PHACTR4: variants seen among roughly 807,000 people sequenced by gnomAD.
PHACTR4 encodes the protein protein phosphatase 1, regulatory subunit 124.
A neutral mutation model predicts 72.7 loss-of-function variants in PHACTR4; 51 were observed. The ratio of observed to expected loss-of-function variants is 0.70; its 90% CI spans 0.56 to 0.89. The LOEUF (loss-of-function observed/expected upper bound fraction) is 0.89. Among genes scored for constraint, PHACTR4 ranks in the 40% least tolerant of loss-of-function variants. The probability of loss-of-function intolerance (pLI) is 0.00; values close to 1 mark genes in which losing one functional copy is unlikely to be tolerated. For synonymous variants in PHACTR4, 255 were observed against 302.5 expected (o/e 0.84, Z 1.63); for missense variants, 731 against 861.8 (o/e 0.85, Z 1.90).
rs556000436 is a variant in PHACTR4, at chr1:28,465,568, T to C, written c.272-117T>C. On this transcript the variant is annotated intron_variant, in intron 4 of 13. Transcript: ENST00000373839. ...GAGTTCAAGACCAGCCTGGGCAACATAGTGAGACCCTGTCTCAATTTAAAA... is the reference window on the plus strand; with the variant it reads ...GAGTTCAAGACCAGCCTGGGCAACACAGTGAGACCCTGTCTCAATTTAAAA... 4.7e-6 allele frequency: 5 copies of C among 1,060,624 alleles called. No homozygotes were observed. The Admixed American group carries it at 1.2e-4, about 25-fold the overall frequency. The allele number at this position is 1,060,624 out of a possible 1,614,324, so 65.7% of individuals were successfully genotyped here.
intron 2 of PHACTR4, among the ~76,000 whole-genome samples, chr1:28,442,884 G>T (rs1443001319): frequency 6.6e-6 from 1 of 152,048 alleles, no homozygotes; most frequent in Non-Finnish European, 1.5e-5. Flanking sequence ...GATGTGATTA[G>T]ATTAGGGTAA....
intron 1 of PHACTR4, among the ~76,000 whole-genome samples, chr1:28,392,589 G>C (rs1054196530): frequency 6.6e-6 from 1 of 151,616 alleles, no homozygotes; most frequent in Admixed American, 6.6e-5. Context: ...TTTTTGTAGA[G>C]ATGAGGTTTT....
At chr1:28,463,220 T>G (rs1347804905) in intron 4 of PHACTR4, among the ~76,000 whole-genome samples, 1 of 151,976 alleles carries the variant, frequency 6.6e-6, no homozygotes, top group African/African-American at 2.4e-5. Flanking sequence ...AAAAGGTGGC[T>G]TTTGGCTTGA....
At chr1:28,383,459 A>G (rs6679034) in intron 1 of PHACTR4, among the ~76,000 whole-genome samples, 58,646 of 151,924 alleles carry the variant, frequency 0.39, 13,010 homozygotes, top group African/African-American at 0.6. Context: ...CCTTTTAACA[A>G]TATTGATTCT....
intron 1 of PHACTR4, among the ~76,000 whole-genome samples, chr1:28,386,274 A>G (rs1427912843): frequency 2.0e-5 from 3 of 151,842 alleles, no homozygotes; most frequent in African/African-American, 7.3e-5. Context: ...TTGGACTTTT[A>G]GTAGAGACAG....
intron 2 of PHACTR4, among the ~76,000 whole-genome samples, chr1:28,429,169 C>T (rs1656067554): frequency 6.6e-6 from 1 of 152,146 alleles, no homozygotes; most frequent in African/African-American, 2.4e-5. Flanking sequence ...GTGGCCCTGC[C>T]TTAACTTTAA....
At chr1:28,480,401 T>C (rs778598629) in intron 8 of PHACTR4, 50 bp from the exon 9 acceptor site, 1 of 1,604,206 alleles carries the variant, frequency 6.2e-7, no homozygotes, top group Non-Finnish European at 8.5e-7. Context: ...AGGTTGAACC[T>C]TTGGCTTTAA....
At chr1:28,393,980 T>C (rs1047251096) in intron 1 of PHACTR4, among the ~76,000 whole-genome samples, 9 of 152,126 alleles carry the variant, frequency 5.9e-5, no homozygotes, top group Non-Finnish European at 1.3e-4. Context: ...CCCAAAGTGC[T>C]GTGATTACAG....
At chr1:28,414,303 T>C (rs988356862) in intron 2 of PHACTR4, among the ~76,000 whole-genome samples, 7 of 152,006 alleles carry the variant, frequency 4.6e-5, no homozygotes, top group African/African-American at 1.7e-4. Context: ...TGACCTCAGG[T>C]GATCCGCCTG....
intron 2 of PHACTR4, among the ~76,000 whole-genome samples, chr1:28,411,766 G>A (rs1237442660): frequency 6.6e-6 from 1 of 151,920 alleles, no homozygotes; most frequent in African/African-American, 2.4e-5. Flanking sequence ...ACGTATTCAT[G>A]TAACCAAATA....
At position 28,457,919 on chromosome 1, in the gene PHACTR4, T is replaced by G. The variant is rs562259387; in HGVS notation, c.17-1166T>G. 2.5e-4 allele frequency: 116 copies of G among 471,586 alleles called. 1 individual carries two copies. In the South Asian group the frequency reaches 7.2e-3, roughly 29 times the overall value. The allele number at this position is 471,586 out of a possible 1,614,324, so 29.2% of individuals were successfully genotyped here. A position where few individuals can be genotyped will look rare whatever the true frequency, so the allele number is the denominator to read the frequency against. On this transcript the variant is annotated intron_variant, in intron 2 of 13. Coordinates refer to ENST00000373839, the MANE Select transcript of PHACTR4 (RefSeq NM_001048183.3). The stretch of plus-strand genomic sequence containing the variant: ...TTTTTTTTGGTTGCCTTCCTGCTGG[T>G]TTTTTTTTTTTTCCTTTCTTTAAAT...
At chr1:28,384,175 A>G (rs573953748) in intron 1 of PHACTR4, among the ~76,000 whole-genome samples, 2 of 152,290 alleles carry the variant, frequency 1.3e-5, no homozygotes, top group African/African-American at 4.8e-5. Context: ...TGCTGGCCTC[A>G]TAGAATGAGT....
Position 28,486,010 on chromosome 1 carries a change from C to T in PHACTR4, c.1761-3160C>T, listed in dbSNP as rs142876182. Among the ~76,000 whole-genome samples the T allele has an allele frequency of 4.1e-3, 624 of 151,948 alleles. 5 individuals carry two copies. Among genetic ancestry groups the T allele is most frequent in the African/African-American group, 0.014 (596 of 41,450 alleles). On this transcript the variant is annotated intron_variant, in intron 9 of 13. Coordinates refer to ENST00000373839, the MANE Select transcript of PHACTR4 (RefSeq NM_001048183.3). Reference sequence around the variant, plus strand: ...TAAGATTGAAATTTAAAAAAACACACACAATAAGAGACCACCACGAGTACA... The same window carrying T: ...TAAGATTGAAATTTAAAAAAACACATACAATAAGAGACCACCACGAGTACA...
chr1:28,438,504 T>A, intron 2 of PHACTR4: 2 of 1,521,174 alleles, frequency 1.3e-6, no homozygotes, highest in Non-Finnish European at 1.8e-6. Context: ...CTTGAGTATT[T>A]ATGTGAAGTT....
intron 2 of PHACTR4, chr1:28,457,796 G>T (rs144971446): frequency 1.0e-5 from 10 of 984,460 alleles, no homozygotes; most frequent in African/African-American, 1.7e-5. Context: ...TTTCAGGATG[G>T]TTTTTCCACA....
At chr1:28,394,661 A>G (rs1264745165) in intron 1 of PHACTR4, among the ~76,000 whole-genome samples, 2 of 146,798 alleles carry the variant, frequency 1.4e-5, no homozygotes, top group African/African-American at 2.5e-5. Context: ...CAGTGGCACG[A>G]TCTCGGCTCA....
intron 2 of PHACTR4, among the ~76,000 whole-genome samples, chr1:28,412,293 A>G (rs915291056): frequency 1.4e-4 from 21 of 152,340 alleles, no homozygotes; most frequent in African/African-American, 4.6e-4. Flanking sequence ...CTTGTTGTTC[A>G]GTCTTTCAAG....
At chr1:28,443,140 CT>C (rs933205683) in intron 2 of PHACTR4, among the ~76,000 whole-genome samples, 4 of 151,982 alleles carry the variant, frequency 2.6e-5, no homozygotes, top group African/African-American at 2.4e-5. Context: ...ATGAGATCAA[CT>C]TTTTTTTAGC....
intron 2 of PHACTR4, among the ~76,000 whole-genome samples, chr1:28,437,504 A>G (rs966132662): frequency 4.6e-5 from 7 of 152,232 alleles, no homozygotes; most frequent in African/African-American, 1.7e-4. Context: ...TGCTAGGATT[A>G]CAGGCATGAG....
Sources: allele counts gnomAD v4.1 joint callset (sites outside exome capture counted in the v4.1 genomes callset), GRCh38; gene constraint gnomAD v4.1.1; transcripts MANE v1.5; gene names NCBI Gene and HGNC (gene_info 2026-07-23, HGNC 2026-07-21).